WASHC2A: variants seen among roughly 807,000 people sequenced by gnomAD.
WASHC2A encodes WASH complex subunit 2A, also known as WASH complex subunit FAM21A.
A neutral mutation model predicts 140.3 loss-of-function variants in WASHC2A; 82 were observed. The observed-to-expected ratio is 0.58, with a 90% CI of 0.49 to 0.70. The LOEUF (loss-of-function observed/expected upper bound fraction) is 0.70. WASHC2A is among the 30% of genes least tolerant of loss of function. The pLI is 0.00. For missense variants in WASHC2A, 985 were observed against 1,521.8 expected, an observed-to-expected ratio of 0.65 and a Z score of 5.87; for synonymous variants, 340 against 560.8, an observed-to-expected ratio of 0.61 and a Z score of 5.56.
Position 50,131,242 on chromosome 10 carries a change from T to C in WASHC2A, c.3886+164T>C, listed in dbSNP as rs1484396408. On this transcript the variant is annotated intron_variant, in intron 30 of 30. Transcript: ENST00000282633. ...GAAGATAGGTAAGAGATGGACTAAT[T>C]ATTTTAGTGAAGTAACTCTTTCCTA... The C allele has an allele frequency of 1.7e-5, 12 of 717,348 alleles. No individual in the cohort carries two copies. The African/African-American group carries it at 1.9e-4, about 11-fold the overall frequency. The allele number at this position is 717,348 out of a possible 1,614,324, so 44.4% of individuals were successfully genotyped here.
chr10:50,109,949 T>C, intron 19 of WASHC2A, 152 bp from the exon 20 acceptor site: 1 of 1,110,330 alleles, frequency 9.0e-7, no homozygotes, highest in Non-Finnish European at 1.3e-6. Context: ...TTCTTGTATT[T>C]TTAGTAGAGA....
At chr10:50,109,486 G>A (rs1842081044) in intron 19 of WASHC2A, among the ~76,000 whole-genome samples, 1 of 152,064 alleles carries the variant, frequency 6.6e-6, no homozygotes, top group Non-Finnish European at 1.5e-5. Context: ...TATAGCCTCT[G>A]TAATTAATGT....
chr10:50,131,271 T>C (rs2133129386), intron 30 of WASHC2A, 193 bp downstream of exon 30: 2 of 736,664 alleles, frequency 2.7e-6, no homozygotes, highest in East Asian at 2.7e-5. Flanking sequence ...TTTCCTATGA[T>C]AGTCATCAAA....
chr10:50,083,417 A>C lies in WASHC2A; in HGVS notation c.529-655A>C, dbSNP rs2132457874. Among the ~76,000 whole-genome samples, 2 of 114,362 alleles carry C rather than the reference A, an allele frequency of 1.7e-5. 1 individual carries two copies. Among genetic ancestry groups the C allele is most frequent in the Non-Finnish European group, 3.5e-5 (2 of 56,756 alleles). 75.0% of individuals were successfully genotyped at this position (114,362 alleles called of 152,430 possible). On this transcript the variant is annotated intron_variant, in intron 5 of 30. Transcript: ENST00000282633. ...CTTGGTCCTCCTCTTCTTGGACCTT[A>C]TACTAGGAGGTTGTACCCTTTTCCC...
rs782269990 is a variant in WASHC2A at position 50,126,101 on chromosome 10, C to T, written c.2733C>T (p.Asp911=). The T allele has an allele frequency of 2.0e-5, 33 of 1,613,634 alleles. No homozygotes were observed. Among genetic ancestry groups the T allele is most frequent in the Middle Eastern group, 3.3e-4 (2 of 6,078 alleles). The change falls in exon 26 of 31, where the codon GAC becomes GAT. Residue 911 remains aspartate (D), a synonymous_variant. Coordinates refer to ENST00000282633, the MANE Select transcript of WASHC2A (RefSeq NM_001005751.3). ...TAGTGAAAAAAGACCACTCTGTTGACTCTTTCAAAAACCAGAAACATCCTG... is the reference window on the plus strand; with the variant it reads ...TAGTGAAAAAAGACCACTCTGTTGATTCTTTCAAAAACCAGAAACATCCTG... ...KRVVKKDHSV[D]SFKNQKHPES... is the part of the protein sequence containing the mutation.
At chr10:50,124,323 C>T (rs1279943757) in intron 23 of WASHC2A, among the ~76,000 whole-genome samples, 11 of 151,684 alleles carry the variant, frequency 7.3e-5, no homozygotes, top group Non-Finnish European at 1.0e-4. Context: ...AGGCTGGTCT[C>T]GAACTCCTGG....
intron 17 of WASHC2A, among the ~76,000 whole-genome samples, chr10:50,103,005 AAC>A (rs1841363697): frequency 6.6e-6 from 1 of 151,464 alleles, no homozygotes; most frequent in Non-Finnish European, 1.5e-5. Flanking sequence ...TAGCTGAGAT[AAC>A]AGGCACCCAC....
intron 4 of WASHC2A, among the ~76,000 whole-genome samples, chr10:50,079,994 T>C: frequency 6.6e-6 from 1 of 151,636 alleles, no homozygotes; most frequent in Admixed American, 6.6e-5. Flanking sequence ...TTTTTTGCCT[T>C]TGGCCCTCAG....
At chr10:50,094,584 T>A (rs1840266503) in intron 13 of WASHC2A, among the ~76,000 whole-genome samples, 1 of 152,220 alleles carries the variant, frequency 6.6e-6, no homozygotes, top group Non-Finnish European at 1.5e-5. Flanking sequence ...AAGTGCCGAG[T>A]CTCCCGGGCA....
At chr10:50,088,378 G>C (rs1270711859) in intron 8 of WASHC2A, among the ~76,000 whole-genome samples, 1 of 146,804 alleles carries the variant, frequency 6.8e-6, no homozygotes, top group Non-Finnish European at 1.5e-5. Flanking sequence ...CGATTCTCAT[G>C]CCTCAGCCTC....
At chr10:50,101,667 T>C (rs1475233022) in intron 17 of WASHC2A, among the ~76,000 whole-genome samples, 3 of 152,292 alleles carry the variant, frequency 2.0e-5, no homozygotes, top group South Asian at 4.1e-4. Context: ...CGAGATGTTC[T>C]GGTTATTTGT....
chr10:50,111,588 A>C (rs1433538889), intron 20 of WASHC2A, among the ~76,000 whole-genome samples: 1 of 152,240 alleles, frequency 6.6e-6, no homozygotes, highest in African/African-American at 2.4e-5. Flanking sequence ...GAGCTGGCAC[A>C]TTCTGAGCCC....
chr10:50,125,895 C>T (rs1309867032), intron 25 of WASHC2A, among the ~76,000 whole-genome samples, 162 bp from the exon 26 acceptor site: 7 of 152,104 alleles, frequency 4.6e-5, no homozygotes, highest in Admixed American at 2.0e-4. Flanking sequence ...CAGCCACAGT[C>T]TTCAGAATGC....
chr10:50,127,818 C>T, intron 28 of WASHC2A, 23 bp downstream of exon 28: 1 of 1,148,954 alleles, frequency 8.7e-7, no homozygotes, highest in South Asian at 1.3e-5. Context: ...TCTTTGCTTC[C>T]TTGCTCTCTT....
chr10:50,131,745 G>T (rs1843994333), intron 30 of WASHC2A, among the ~76,000 whole-genome samples: 2 of 152,188 alleles, frequency 1.3e-5, no homozygotes, highest in Admixed American at 6.5e-5. Context: ...GAGACAGCTG[G>T]TGCTGCAGAG....
chr10:50,121,159 A>C (rs1299496026), intron 23 of WASHC2A, among the ~76,000 whole-genome samples: 1 of 150,238 alleles, frequency 6.7e-6, no homozygotes, highest in Admixed American at 6.6e-5. Flanking sequence ...TAGGTGAGAA[A>C]ATGAAATAAA....
chr10:50,082,640 G>T (rs1416278184), intron 5 of WASHC2A, among the ~76,000 whole-genome samples: 13 of 150,530 alleles, frequency 8.6e-5, no homozygotes, highest in African/African-American at 2.9e-4. Context: ...ATGACACCTG[G>T]CTAATTTTTG....
At chr10:50,070,818 T>C (rs1456090208) in intron 3 of WASHC2A, among the ~76,000 whole-genome samples, 4 of 124,712 alleles carry the variant, frequency 3.2e-5, no homozygotes, top group Non-Finnish European at 5.1e-5. Flanking sequence ...TCACCTGAGG[T>C]TGGGAGTTCG....
At position 50,068,166 on chromosome 10, in the gene WASHC2A, C is replaced by T. The variant is rs782453741; in HGVS notation, c.65C>T (p.Pro22Leu). 6.2e-6 allele frequency: 10 copies of T among 1,601,260 alleles called. No individual in the cohort carries two copies. The African/African-American group carries it at 1.2e-4, about 20-fold the overall frequency. Residue 22 changes from proline (P) to leucine (L), a missense_variant, in exon 2 of 31, where the codon CCG (proline) becomes CTG (leucine). Pro to Leu is a moderately conservative substitution (Grantham distance 98). Coordinates refer to ENST00000282633, the MANE Select transcript of WASHC2A (RefSeq NM_001005751.3). ...GCGTCGGAGCCCGTGTGGGAGCGGC[C>T]GTGGTCGGTGGAGGAGATCCGCAGG... Reference protein sequence around the residue: ...APASEPVWERPWSVEEIRRSS... With the variant: ...APASEPVWERLWSVEEIRRSS...
Sources: allele counts gnomAD v4.1 joint callset (sites outside exome capture counted in the v4.1 genomes callset), GRCh38; gene constraint gnomAD v4.1.1; transcripts MANE v1.5; gene names NCBI Gene and HGNC (gene_info 2026-07-23, HGNC 2026-07-21).